The following GPR75 variants were observed in gnomAD, a reference collection of about 807,000 sequenced individuals.
GPR75 encodes the protein probable G protein-coupled receptor 75.
In GPR75, 27 loss-of-function variants were observed where a neutral mutation model predicts 26.0. The ratio of observed to expected loss-of-function variants is 1.04; its 90% CI spans 0.77 to 1.43. The LOEUF (loss-of-function observed/expected upper bound fraction) is 1.43, where lower values mean the gene tolerates loss of function less well. GPR75 is among the 40% of genes most tolerant of loss of function. The pLI, the probability that GPR75 is intolerant of heterozygous loss-of-function variation, is 0.00. For synonymous variants in GPR75, 285 were observed against 256.3 expected, an observed-to-expected ratio of 1.11 and a Z score of -1.07; for missense variants, 699 against 662.3, an observed-to-expected ratio of 1.06 and a Z score of -0.61.
At position 53,854,828 on chromosome 2, in the gene GPR75, G is replaced by A. The variant is rs1338946105; in HGVS notation, c.-72C>T. 4 of 1,201,774 alleles carry A rather than the reference G, an allele frequency of 3.3e-6. No homozygotes were observed. The highest frequency in any genetic ancestry group is 3.0e-5 in the African/African-American group (2 of 66,026). The allele number at this position is 1,201,774 out of a possible 1,614,324, so 74.4% of individuals were successfully genotyped here. A position where few individuals can be genotyped will look rare whatever the true frequency, so the allele number is the denominator to read the frequency against. On this transcript the variant is annotated 5_prime_UTR_variant, in exon 2 of 2. Transcript: ENST00000394705. ...TGAGTCAGGGCCTCAGCTCACAGAT[G>A]AGCAATATGTGACAAAAGAGGCCCA... is the stretch of plus-strand genomic sequence containing the variant.
Position 53,853,588 on chromosome 2 carries a change from CA to C in GPR75, c.1168del (p.Cys390AlafsTer5). 6.2e-7 allele frequency: 1 copy of C among 1,613,964 alleles called. No homozygotes were observed. The highest frequency in any genetic ancestry group is 8.5e-7 in the Non-Finnish European group (1 of 1,179,838). Reference protein sequence around the residue: ...SAGLRRKVLWCLQYIGLGFFC... With the variant: ...SAGLRRKVLWXLQYIGLGFFC... ...AAAACCCAGGCCTATGTATTGGAGG[CA>C]CCAGAGCACTTTCCTTCTCAGCCCT... On this transcript the variant is annotated frameshift_variant, in exon 2 of 2. Transcript: ENST00000394705. LOFTEE classifies it high-confidence loss of function.
At chr2:53,854,919 A>T in intron 1 of GPR75, 54 bp from the exon 2 acceptor site, 1 of 607,664 alleles carries the variant, frequency 1.6e-6, no homozygotes, top group Non-Finnish European at 2.9e-6. Context: ...TAGAAACAGA[A>T]AGGAATTCAT....
intron 1 of GPR75, among the ~76,000 whole-genome samples, chr2:53,855,780 C>T (rs1401791721): frequency 6.6e-6 from 1 of 152,068 alleles, no homozygotes; most frequent in Non-Finnish European, 1.5e-5. Flanking sequence ...ATTAACAAAC[C>T]CTGTTTCGTT....
chr2:53,854,119 A>G lies in GPR75; in HGVS notation c.638T>C (p.Phe213Ser), dbSNP rs368243266. 7 of 1,614,186 alleles carry G rather than the reference A, an allele frequency of 4.3e-6. No individual in the cohort carries two copies. Among genetic ancestry groups the G allele is most frequent in the Non-Finnish European group, 5.1e-6 (6 of 1,180,026 alleles). Reference protein sequence around the residue: ...ILSLYVVDFTFCVAVVSVSYI... With the variant: ...ILSLYVVDFTSCVAVVSVSYI... Reference sequence around the variant, plus strand: ...AGAGACAGAGACCACAGCAACACAGAAGGTGAAGTCGACCACATAGAGAGA... The same window carrying G: ...AGAGACAGAGACCACAGCAACACAGGAGGTGAAGTCGACCACATAGAGAGA... Residue 213 changes from phenylalanine to serine, a missense_variant, in exon 2 of 2, where the codon TTC becomes TCC. By Grantham distance (155) the Phe-to-Ser change is radical. Transcript: ENST00000394705.
chr2:53,854,648 T>A lies in GPR75; in HGVS notation c.109A>T (p.Ile37Phe), dbSNP rs776809319. Residue 37 changes from isoleucine (I) to phenylalanine (F), a missense_variant, in exon 2 of 2, where the codon ATC (isoleucine) becomes TTC (phenylalanine). Physicochemically the swap from Ile to Phe is conservative, Grantham distance 21. Coordinates refer to ENST00000394705, the MANE Select transcript of GPR75 (RefSeq NM_006794.4). ...TSLQEGLQDLIHTATLVTCTF... is the reference protein window; with the variant it reads ...TSLQEGLQDLFHTATLVTCTF... ...CAGGTCACCAAGGTGGCTGTGTGGA[T>A]GAGATCCTGAAGACCCTCCTGGAGA... The A allele has an allele frequency of 1.9e-6, 3 of 1,599,522 alleles. No homozygotes were observed. The South Asian group carries it at 3.3e-5, about 18-fold the overall frequency.
Position 53,853,058 on chromosome 2 carries a change from G to C in GPR75, c.*76C>G. 1 of 1,090,804 alleles carries C rather than the reference G, an allele frequency of 9.2e-7. No individual in the cohort carries two copies. Among genetic ancestry groups the C allele is most frequent in the South Asian group, 1.6e-5 (1 of 64,300 alleles). The allele number at this position is 1,090,804 out of a possible 1,614,324, so 67.6% of individuals were successfully genotyped here. Reference sequence around the variant, plus strand: ...ATCTTGTAGGTTTTGATCCGCCACTGATCTCAAGTTAGAATAAAGTCCATT... The same window carrying C: ...ATCTTGTAGGTTTTGATCCGCCACTCATCTCAAGTTAGAATAAAGTCCATT... On this transcript the variant is annotated 3_prime_UTR_variant, in exon 2 of 2. Coordinates refer to ENST00000394705, the MANE Select transcript of GPR75 (RefSeq NM_006794.4).
intron 1 of GPR75, among the ~76,000 whole-genome samples, chr2:53,858,880 G>A (rs745807767): frequency 2.6e-5 from 4 of 152,018 alleles, no homozygotes; most frequent in Non-Finnish European, 4.4e-5. Flanking sequence ...AAATCAGAAA[G>A]ATTTTAAGCT....
Position 53,853,163 on chromosome 2 carries a change from C to G in GPR75, c.1594G>C (p.Ala532Pro). 1 of 1,613,770 alleles carries G rather than the reference C, an allele frequency of 6.2e-7. No homozygotes were observed. Among genetic ancestry groups the G allele is most frequent in the Non-Finnish European group, 8.5e-7 (1 of 1,179,686 alleles). The part of the protein sequence containing the change: ...DLVQEYDSTS[A>P]KQIPVPSV The stretch of plus-strand genomic sequence containing the variant: ...ACGGAGGGGACTGGAATCTGCTTGG[C>G]TGAAGTGCTGTCATATTCCTGCACT... The change falls in exon 2 of 2, where the codon GCC (alanine) becomes CCC (proline). Residue 532 changes from alanine to proline, a missense_variant. Ala to Pro is a conservative substitution (Grantham distance 27, BLOSUM62 -1). Coordinates refer to ENST00000394705, the MANE Select transcript of GPR75 (RefSeq NM_006794.4).
intron 1 of GPR75, among the ~76,000 whole-genome samples, chr2:53,858,495 C>G (rs868601933): frequency 6.6e-6 from 1 of 151,136 alleles, no homozygotes; most frequent in Admixed American, 6.6e-5. Context: ...ATAAATCACT[C>G]CTATTGAGAT....
In GPR75 at chr2:53,858,402, GACACACAC is replaced by G. The variant is rs61090357; in HGVS notation, c.-110+1418_-110+1425del. Among the ~76,000 whole-genome samples, 1,155 of 145,110 alleles carry G rather than the reference GACACACAC, an allele frequency of 8.0e-3. 13 individuals carry two copies. Among genetic ancestry groups the G allele is most frequent in the East Asian group, 0.023 (114 of 4,976 alleles). ...ATCTACATCTATGTAGATACAGATA[GACACACAC>G]ACACACACACACACACACACACACA... On this transcript the variant is annotated intron_variant, in intron 1 of 1. Coordinates refer to ENST00000394705, the MANE Select transcript of GPR75 (RefSeq NM_006794.4).
chr2:53,854,766 G>A lies in GPR75; in HGVS notation c.-10C>T. 5 of 1,603,958 alleles carry A rather than the reference G, an allele frequency of 3.1e-6. No homozygotes were observed. Among genetic ancestry groups the A allele is most frequent in the Non-Finnish European group, 4.3e-6 (5 of 1,173,334 alleles). ...GGCCTGTTGAGTTCATTTTCGGAGA[G>A]AAATGTCTCCTTCTTCTGCTCCCCA... On this transcript the variant is annotated 5_prime_UTR_variant, in exon 2 of 2. Coordinates refer to ENST00000394705, the MANE Select transcript of GPR75 (RefSeq NM_006794.4).
chr2:53,856,698 CTT>C (rs1678235236), intron 1 of GPR75, among the ~76,000 whole-genome samples: 1 of 152,162 alleles, frequency 6.6e-6, no homozygotes, highest in Non-Finnish European at 1.5e-5. Context: ...AAAAAGATAA[CTT>C]AATCTATATT....
intron 1 of GPR75, among the ~76,000 whole-genome samples, chr2:53,858,515 A>T (rs1279225382): frequency 6.6e-6 from 1 of 152,114 alleles, no homozygotes; most frequent in Non-Finnish European, 1.5e-5. Context: ...TAATTAGAAA[A>T]AAAGGAATCA....
At chr2:53,855,247 A>G (rs146550383) in intron 1 of GPR75, among the ~76,000 whole-genome samples, 1 of 152,286 alleles carries the variant, frequency 6.6e-6, no homozygotes, top group African/African-American at 2.4e-5. Context: ...TCCAGCTAAT[A>G]TTTAGTTTTA....
chr2:53,853,147 A>T lies in GPR75; in HGVS notation c.1610T>A (p.Val537Asp), dbSNP rs776181827. The change falls in exon 2 of 2, where the codon GTC (valine) becomes GAC (aspartate). Residue 537 changes from valine to aspartate, a missense_variant. By Grantham distance (152) the Val-to-Asp change is radical. Transcript: ENST00000394705. Reference sequence around the variant, plus strand: ...GCCTCCATGACTTTAAACGGAGGGGACTGGAATCTGCTTGGCTGAAGTGCT... The same window carrying T: ...GCCTCCATGACTTTAAACGGAGGGGTCTGGAATCTGCTTGGCTGAAGTGCT... The part of the protein sequence containing the change: ...YDSTSAKQIP[V>D]PSV The T allele has an allele frequency of 1.4e-5, 23 of 1,613,008 alleles. No homozygotes were observed. Among genetic ancestry groups the T allele is most frequent in the Admixed American group, 3.3e-5 (2 of 60,018 alleles).
chr2:53,857,090 A>G (rs1678250665), intron 1 of GPR75, among the ~76,000 whole-genome samples: 1 of 148,588 alleles, frequency 6.7e-6, no homozygotes, highest in Non-Finnish European at 1.5e-5. Flanking sequence ...CAGCCTCCCG[A>G]GTAGCTGGGA....
intron 1 of GPR75, among the ~76,000 whole-genome samples, chr2:53,856,946 A>ATTTT (rs10665107): frequency 0.095 from 7,506 of 78,862 alleles, 1,661 homozygotes; most frequent in Non-Finnish European, 0.12. Context: ...GAGAAAGACA[A>ATTTT]TTTTTTTTTT....
In GPR75 at chr2:53,859,860, A is replaced by G; in HGVS notation, c.-142T>C. Reference sequence around the variant, plus strand: ...GTGGCCGCAGCGCCGCCCCTCCTCCATCTCGCAGTCCGGACCCCAGCTCCG... The same window carrying G: ...GTGGCCGCAGCGCCGCCCCTCCTCCGTCTCGCAGTCCGGACCCCAGCTCCG... On this transcript the variant is annotated 5_prime_UTR_variant, in exon 1 of 2. It removes an upstream start codon present in the reference 5' UTR. Transcript: ENST00000394705. 2 of 1,532,496 alleles carry G rather than the reference A, an allele frequency of 1.3e-6. No homozygotes were observed. Among genetic ancestry groups the G allele is most frequent in the Non-Finnish European group, 8.7e-7 (1 of 1,144,234 alleles). 94.9% of individuals were successfully genotyped at this position (1,532,496 alleles called of 1,614,324 possible).
chr2:53,854,298 A>T lies in GPR75; in HGVS notation c.459T>A (p.Asn153Lys), dbSNP rs756619378. The change falls in exon 2 of 2, where the codon AAT becomes AAA. Residue 153 changes from asparagine (N) to lysine (K), a missense_variant. Transcript: ENST00000394705. ...CGGTGCAGGGAAAGGAGGCCGTGCG[A>T]TTAGGCTGTTTCCCCAACACCATCC... ...RLRMVLGKQP[N>K]RTASFPCTVL... is the part of the protein sequence containing the mutation. The T allele has an allele frequency of 4.3e-6, 7 of 1,614,052 alleles. No individual in the cohort carries two copies. The Admixed American group carries it at 1.0e-4, about 23-fold the overall frequency.
Sources: gnomAD v4.1 joint callset for allele counts (sites outside exome capture counted in the v4.1 genomes callset) on GRCh38, gnomAD v4.1.1 for gene constraint, MANE v1.5 for transcripts, NCBI Gene and HGNC (gene_info 2026-07-23, HGNC 2026-07-21) for gene names.